The following HS6ST3 variants were observed in gnomAD, a reference collection of about 807,000 sequenced individuals.
HS6ST3 encodes the protein heparan-sulfate 6-O-sulfotransferase 3.
In HS6ST3, 12 loss-of-function variants were observed where a neutral mutation model predicts 36.7. The observed-to-expected ratio is 0.33, with a 90% confidence interval of 0.21 to 0.53. The LOEUF is 0.53. Ranked by LOEUF, HS6ST3 falls within the 20% of genes least tolerant of loss-of-function variation. HS6ST3 has a pLI of 0.95. For synonymous variants in HS6ST3, 240 were observed against 257.5 expected (o/e 0.93, Z 0.65); for missense variants, 584 against 640.9 (o/e 0.91, Z 0.96).
At chr13:96,553,753 A>G (rs1321465724) in intron 1 of HS6ST3, among the ~76,000 whole-genome samples, 2 of 152,238 alleles carry the variant, frequency 1.3e-5, no homozygotes, top group Non-Finnish European at 2.9e-5. Flanking sequence ...TATTTTATGC[A>G]AGACTAATAC....
chr13:96,120,157 A>G (rs1327832493), intron 1 of HS6ST3, among the ~76,000 whole-genome samples: 1 of 152,232 alleles, frequency 6.6e-6, no homozygotes, highest in African/African-American at 2.4e-5. Flanking sequence ...TGCAGCTATA[A>G]GCCAAGAAAT....
At chr13:96,772,597 A>C (rs957299332) in intron 1 of HS6ST3, among the ~76,000 whole-genome samples, 2 of 152,246 alleles carry the variant, frequency 1.3e-5, no homozygotes, top group African/African-American at 2.4e-5. Context: ...GATATTTATT[A>C]AGCACCTTCT....
intron 1 of HS6ST3, among the ~76,000 whole-genome samples, chr13:96,675,815 C>G (rs1227200975): frequency 6.6e-6 from 1 of 152,152 alleles, no homozygotes; most frequent in African/African-American, 2.4e-5. Flanking sequence ...CATGGTCTCT[C>G]CCTGTGATGT....
chr13:96,652,685 G>A (rs1055404745), intron 1 of HS6ST3, among the ~76,000 whole-genome samples: 7 of 152,160 alleles, frequency 4.6e-5, no homozygotes, highest in African/African-American at 1.7e-4. Context: ...TGGAAGATTG[G>A]ATTCAGCAAC....
intron 1 of HS6ST3, among the ~76,000 whole-genome samples, chr13:96,668,224 A>C (rs2056670723): frequency 6.6e-6 from 1 of 152,044 alleles, no homozygotes; most frequent in Non-Finnish European, 1.5e-5. Context: ...GTGAAGCCAG[A>C]ATTTGAACCC....
At chr13:96,580,137 G>T (rs752612693) in intron 1 of HS6ST3, among the ~76,000 whole-genome samples, 7 of 149,216 alleles carry the variant, frequency 4.7e-5, no homozygotes, top group Non-Finnish European at 7.4e-5. Context: ...TTTGACTGAG[G>T]AATATTTTTT....
intron 1 of HS6ST3, among the ~76,000 whole-genome samples, chr13:96,438,648 T>A (rs1385906685): frequency 1.3e-5 from 2 of 152,228 alleles, no homozygotes; most frequent in Admixed American, 6.5e-5. Context: ...CTCAGAGACC[T>A]CACAATTGAT....
At chr13:96,473,244 A>T (rs1340261872) in intron 1 of HS6ST3, among the ~76,000 whole-genome samples, 1 of 152,170 alleles carries the variant, frequency 6.6e-6, no homozygotes, top group Non-Finnish European at 1.5e-5. Context: ...GGAAATGGAG[A>T]CTTAGTTGTT....
At chr13:96,285,465 CAT>C (rs1400259089) in intron 1 of HS6ST3, among the ~76,000 whole-genome samples, 4 of 152,142 alleles carry the variant, frequency 2.6e-5, no homozygotes, top group Non-Finnish European at 4.4e-5. Flanking sequence ...AATATGGTCA[CAT>C]ATGTGATTTA....
intron 1 of HS6ST3, among the ~76,000 whole-genome samples, chr13:96,515,231 C>A (rs143180243): frequency 0.011 from 1,614 of 152,308 alleles, 27 homozygotes; most frequent in African/African-American, 0.037. Context: ...AAATTAAAAT[C>A]TGTGGGGTTC....
chr13:96,584,996 A>T (rs1047892761), intron 1 of HS6ST3, among the ~76,000 whole-genome samples: 3 of 152,210 alleles, frequency 2.0e-5, no homozygotes, highest in African/African-American at 7.2e-5. Context: ...GAACAGTCAG[A>T]TACTTGGAAA....
intron 1 of HS6ST3, among the ~76,000 whole-genome samples, chr13:96,116,780 T>G (rs868332333): frequency 5.3e-5 from 8 of 152,234 alleles, no homozygotes; most frequent in South Asian, 2.1e-4. Flanking sequence ...GAGAGAGAGG[T>G]GCATGGAGCC....
intron 1 of HS6ST3, among the ~76,000 whole-genome samples, chr13:96,388,969 A>G (rs937940703): frequency 3.9e-5 from 6 of 152,196 alleles, no homozygotes; most frequent in African/African-American, 1.4e-4. Context: ...TGCTGTGAGA[A>G]TGGACATACA....
At chr13:96,816,262 C>T (rs1214843800) in intron 1 of HS6ST3, among the ~76,000 whole-genome samples, 1 of 152,168 alleles carries the variant, frequency 6.6e-6, no homozygotes, top group Non-Finnish European at 1.5e-5. Flanking sequence ...TTTGGAAATT[C>T]TAAAGAGAAA....
intron 1 of HS6ST3, among the ~76,000 whole-genome samples, chr13:96,192,837 A>C (rs982509202): frequency 2.6e-5 from 4 of 152,142 alleles, no homozygotes; most frequent in Non-Finnish European, 5.9e-5. Context: ...GTAAATTAAT[A>C]TAGAAATATA....
intron 1 of HS6ST3, among the ~76,000 whole-genome samples, chr13:96,574,886 G>C (rs866893651): frequency 2.0e-5 from 3 of 152,154 alleles, no homozygotes; most frequent in Admixed American, 6.5e-5. Flanking sequence ...AGCTGCCCCA[G>C]ATCAAGTAGG....
At chr13:96,800,107 A>G (rs973947394) in intron 1 of HS6ST3, among the ~76,000 whole-genome samples, 4 of 149,170 alleles carry the variant, frequency 2.7e-5, no homozygotes, top group African/African-American at 9.8e-5. Context: ...ACTCTTGGGC[A>G]TTATTATTAT....
intron 1 of HS6ST3, among the ~76,000 whole-genome samples, chr13:96,800,000 A>ATATATATATATGTATATATATATGTG (rs1439454258): frequency 1.1e-5 from 1 of 89,392 alleles, no homozygotes; most frequent in Non-Finnish European, 2.2e-5. Context: ...ATATATATGT[A>ATATATATATATGTATATATATATGTG]TATATATATA....
intron 1 of HS6ST3, among the ~76,000 whole-genome samples, chr13:96,335,033 T>G (rs1268648920): frequency 1.3e-5 from 2 of 152,138 alleles, no homozygotes; most frequent in Non-Finnish European, 2.9e-5. Context: ...CCAAAACTTG[T>G]GTACAAATTG....
Sources: allele counts gnomAD v4.1 joint callset (sites outside exome capture counted in the v4.1 genomes callset), GRCh38; gene constraint gnomAD v4.1.1; transcripts MANE v1.5; gene names NCBI Gene and HGNC (gene_info 2026-07-23, HGNC 2026-07-21).